The following CADM2 variants were observed in gnomAD, a reference collection of about 807,000 sequenced individuals.
CADM2 encodes immunoglobulin superfamily member 4D.
Under a neutral mutation model 49.8 loss-of-function variants are expected in CADM2, and 12 were observed. The ratio of observed to expected loss-of-function variants is 0.24; its 90% CI spans 0.15 to 0.39. The LOEUF (loss-of-function observed/expected upper bound fraction) is 0.39. Ranked by LOEUF, CADM2 falls within the 10% of genes least tolerant of loss-of-function variation. The pLI is 1.00. For missense variants in CADM2, 378 were observed against 492.3 expected (o/e 0.77, Z 2.20); for synonymous variants, 214 against 175.4 (o/e 1.22, Z -1.74).
At chr3:85,959,636 A>G (rs1019999568) in intron 7 of CADM2, among the ~76,000 whole-genome samples, 16 of 152,058 alleles carry the variant, frequency 1.1e-4, no homozygotes, top group Admixed American at 1.1e-3. Context: ...CACTTTGATC[A>G]ATGATGCACC....
At chr3:85,891,259 C>G (rs996847759) in intron 5 of CADM2, among the ~76,000 whole-genome samples, 1 of 152,130 alleles carries the variant, frequency 6.6e-6, no homozygotes, top group Non-Finnish European at 1.5e-5. Context: ...TGTCAGCTCC[C>G]TAAGAGCTTA....
intron 8 of CADM2, among the ~76,000 whole-genome samples, chr3:86,056,831 A>T (rs1019253762): frequency 1.6e-4 from 25 of 152,228 alleles, no homozygotes; most frequent in African/African-American, 5.1e-4. Flanking sequence ...ACTCTTACAG[A>T]TATAAACATG....
intron 1 of CADM2, among the ~76,000 whole-genome samples, chr3:85,235,916 A>G (rs1347283326): frequency 1.3e-5 from 2 of 152,080 alleles, no homozygotes; most frequent in Non-Finnish European, 2.9e-5. Flanking sequence ...TACGCTGTAT[A>G]TTTTGTTGAA....
chr3:85,869,657 G>A (rs1282690504), intron 3 of CADM2, among the ~76,000 whole-genome samples: 2 of 151,136 alleles, frequency 1.3e-5, no homozygotes, highest in East Asian at 3.9e-4. Flanking sequence ...TTTTTATATT[G>A]TTATTATTAT....
intron 1 of CADM2, among the ~76,000 whole-genome samples, chr3:85,353,063 G>A (rs1489296737): frequency 6.6e-6 from 1 of 152,156 alleles, no homozygotes; most frequent in Non-Finnish European, 1.5e-5. Flanking sequence ...GATCTGTAGA[G>A]TGAGAGCTAA....
intron 1 of CADM2, among the ~76,000 whole-genome samples, chr3:85,474,014 A>G (rs1343664054): frequency 6.6e-6 from 1 of 152,048 alleles, no homozygotes; most frequent in Non-Finnish European, 1.5e-5. Context: ...GCAATGATTA[A>G]GTGAAGTTTT....
chr3:85,610,779 CA>C (rs1187998361), intron 1 of CADM2, among the ~76,000 whole-genome samples: 1 of 151,774 alleles, frequency 6.6e-6, no homozygotes, highest in African/African-American at 2.4e-5. Context: ...GGTGACATAT[CA>C]AAAAATTACA....
chr3:85,840,105 A>G (rs764343533), intron 3 of CADM2, among the ~76,000 whole-genome samples: 1 of 151,824 alleles, frequency 6.6e-6, no homozygotes, highest in African/African-American at 2.4e-5. Flanking sequence ...CTTTTTTGAC[A>G]GCCATGTTTT....
At chr3:85,382,414 G>A (rs1030804774) in intron 1 of CADM2, among the ~76,000 whole-genome samples, 6 of 152,094 alleles carry the variant, frequency 3.9e-5, no homozygotes, top group African/African-American at 1.2e-4. Context: ...GACTTTAAGA[G>A]CAATACCAGG....
At chr3:85,120,197 G>A (rs1024222365) in intron 1 of CADM2, among the ~76,000 whole-genome samples, 4 of 152,174 alleles carry the variant, frequency 2.6e-5, no homozygotes, top group Admixed American at 1.3e-4. Flanking sequence ...AGATGCTGGA[G>A]AGGATGTGGA....
At chr3:85,673,820 A>C (rs917372973) in intron 1 of CADM2, among the ~76,000 whole-genome samples, 19 of 152,188 alleles carry the variant, frequency 1.2e-4, no homozygotes, top group Non-Finnish European at 1.3e-4. Flanking sequence ...GTTTGGGAGC[A>C]TGAGAATTTG....
At position 85,831,285 on chromosome 3, in the gene CADM2, A is replaced by G. The variant is rs560962481; in HGVS notation, c.238+29089A>G. Among the ~76,000 whole-genome samples the G allele has an allele frequency of 2.0e-5, 3 of 152,134 alleles. No individual in the cohort carries two copies. The South Asian group carries it at 6.2e-4, about 31-fold the overall frequency. On this transcript the variant is annotated intron_variant, in intron 3 of 9. Transcript: ENST00000383699. ...CTTTAGTATTGTGACTAGTGCTGCA[A>G]TGAACATATTAATACATATGACTTT...
chr3:85,743,662 A>C (rs1467822685), intron 2 of CADM2, among the ~76,000 whole-genome samples: 1 of 152,198 alleles, frequency 6.6e-6, no homozygotes, highest in African/African-American at 2.4e-5. Context: ...ATTGGGTAGA[A>C]TATTCTACAA....
chr3:85,875,628 A>G lies in CADM2; in HGVS notation c.239-7663A>G, dbSNP rs137903196. 3.3e-5 allele frequency among the ~76,000 whole-genome samples: 5 copies of G among 152,282 alleles called. No individual in the cohort carries two copies. In the East Asian group the frequency reaches 9.7e-4, roughly 29 times the overall value. On this transcript the variant is annotated intron_variant, in intron 3 of 9. Coordinates refer to ENST00000383699, the MANE Select transcript of CADM2 (RefSeq NM_001167675.2). ...TGATTCTGATCCTTGGGGGAAGTAG[A>G]GATTTCAACTGAAAAAAACATGGCT...
chr3:85,276,221 C>G (rs186884424), intron 1 of CADM2, among the ~76,000 whole-genome samples: 40 of 151,192 alleles, frequency 2.6e-4, no homozygotes, highest in Admixed American at 3.3e-4. Context: ...CCTCAATATT[C>G]GATTAACCTT....
At chr3:85,832,774 T>C (rs1482253754) in intron 3 of CADM2, among the ~76,000 whole-genome samples, 2 of 151,956 alleles carry the variant, frequency 1.3e-5, no homozygotes, top group Non-Finnish European at 2.9e-5. Flanking sequence ...ACTTCTTATT[T>C]TTCTATTTGG....
intron 5 of CADM2, among the ~76,000 whole-genome samples, chr3:85,890,403 G>T (rs1471381285): frequency 6.6e-6 from 1 of 152,138 alleles, no homozygotes; most frequent in Admixed American, 6.6e-5. Flanking sequence ...AGTCAATTAT[G>T]CACTGGTCTC....
At chr3:85,654,465 T>G (rs2065139616) in intron 1 of CADM2, among the ~76,000 whole-genome samples, 1 of 152,132 alleles carries the variant, frequency 6.6e-6, no homozygotes, top group Non-Finnish European at 1.5e-5. Flanking sequence ...AGTAGATACA[T>G]TGATGAAAGC....
At chr3:85,826,170 T>A (rs2073899255) in intron 3 of CADM2, among the ~76,000 whole-genome samples, 1 of 152,028 alleles carries the variant, frequency 6.6e-6, no homozygotes, top group African/African-American at 2.4e-5. Flanking sequence ...CTGATATGAC[T>A]CATTTATTAT....
Sources: allele counts gnomAD v4.1 joint callset (sites outside exome capture counted in the v4.1 genomes callset), GRCh38; gene constraint gnomAD v4.1.1; transcripts MANE v1.5; gene names NCBI Gene and HGNC (gene_info 2026-07-23, HGNC 2026-07-21).